The following CA10 variants were observed in gnomAD, a reference collection of about 807,000 sequenced individuals.
CA10 encodes the protein carbonic anhydrase-related protein 10.
CA10 carries 14 observed loss-of-function variants against 44.2 expected under a neutral mutation model. That is an observed-to-expected ratio of 0.32 (90% CI 0.21 to 0.50). The LOEUF (loss-of-function observed/expected upper bound fraction) is 0.50, where lower values mean the gene tolerates loss of function less well. CA10 is among the 20% of genes least tolerant of loss of function. The probability of loss-of-function intolerance (pLI) is 0.99; values close to 1 mark genes in which losing one functional copy is unlikely to be tolerated. For missense variants in CA10, 350 were observed against 409.7 expected (o/e 0.85, Z 1.26); for synonymous variants, 159 against 141.6 (o/e 1.12, Z -0.87).
intron 3 of CA10, among the ~76,000 whole-genome samples, chr17:51,918,924 A>G (rs530232721): frequency 3.0e-4 from 45 of 152,340 alleles, no homozygotes; most frequent in African/African-American, 1.0e-3. Context: ...TGCAACATTA[A>G]TAAAGTTGTA....
At chr17:51,875,436 C>T (rs1304306488) in intron 3 of CA10, among the ~76,000 whole-genome samples, 6 of 152,194 alleles carry the variant, frequency 3.9e-5, no homozygotes. Context: ...CACAATGGAA[C>T]GACAAATACT....
intron 1 of CA10, among the ~76,000 whole-genome samples, chr17:52,153,515 T>A (rs935036071): frequency 1.3e-5 from 2 of 152,130 alleles, no homozygotes; most frequent in Admixed American, 6.5e-5. Flanking sequence ...AAGCCTCAAC[T>A]CCATATTGGA....
At chr17:51,716,655 T>C (rs1916123970) in intron 4 of CA10, among the ~76,000 whole-genome samples, 1 of 152,024 alleles carries the variant, frequency 6.6e-6, no homozygotes, top group African/African-American at 2.4e-5. Flanking sequence ...GAACTTGGGG[T>C]TCATTAAGCT....
In CA10 at chr17:51,815,832, C is replaced by T. The variant is rs181627605; in HGVS notation, c.280-68014G>A. 2.5e-3 allele frequency among the ~76,000 whole-genome samples: 383 copies of T among 151,844 alleles called. 3 individuals carry two copies. The highest frequency in any genetic ancestry group is 8.7e-3 in the African/African-American group (359 of 41,402). On this transcript the variant is annotated intron_variant, in intron 3 of 8. Coordinates refer to ENST00000451037, the MANE Select transcript of CA10 (RefSeq NM_020178.5). Reference sequence around the variant, plus strand: ...AAATATATAAATATAATGGGATACACGAGATGTTTTGATACAGGCTTGCAA... The same window carrying T: ...AAATATATAAATATAATGGGATACATGAGATGTTTTGATACAGGCTTGCAA...
chr17:51,820,941 G>T (rs944091010), intron 3 of CA10, among the ~76,000 whole-genome samples: 23 of 152,006 alleles, frequency 1.5e-4, no homozygotes, highest in Admixed American at 1.4e-3. Flanking sequence ...CTTGAGGATT[G>T]TTACCCCAGG....
intron 3 of CA10, among the ~76,000 whole-genome samples, chr17:51,883,131 A>T (rs923564238): frequency 2.0e-5 from 3 of 152,242 alleles, no homozygotes; most frequent in Non-Finnish European, 4.4e-5. Context: ...ACTCCTTAGC[A>T]CTTTGGAGTA....
chr17:51,715,112 A>G (rs1284035639), intron 4 of CA10, among the ~76,000 whole-genome samples: 1 of 152,206 alleles, frequency 6.6e-6, no homozygotes, highest in East Asian at 1.9e-4. Flanking sequence ...AAACTATTGC[A>G]AGGACAAAAA....
chr17:51,747,951 G>A (rs900242921), intron 3 of CA10, 133 bp from the exon 4 acceptor site: 45 of 642,302 alleles, frequency 7.0e-5, no homozygotes, highest in Admixed American at 3.1e-5. Flanking sequence ...ATGTGGAGTA[G>A]GGCGTGGCAG....
chr17:51,670,326 C>G (rs1014866305), intron 4 of CA10, among the ~76,000 whole-genome samples: 2 of 152,176 alleles, frequency 1.3e-5, no homozygotes, highest in African/African-American at 4.8e-5. Context: ...GCAGGGATTA[C>G]TGTCCCCATT....
chr17:51,831,260 T>G (rs189771984), intron 3 of CA10, among the ~76,000 whole-genome samples: 2 of 152,370 alleles, frequency 1.3e-5, no homozygotes, highest in Admixed American at 1.3e-4. Flanking sequence ...TCTCTGGCCC[T>G]CATGGAGAGT....
intron 2 of CA10, among the ~76,000 whole-genome samples, chr17:51,960,417 C>T (rs887425797): frequency 1.3e-5 from 2 of 151,674 alleles, no homozygotes; most frequent in Admixed American, 1.3e-4. Context: ...AAACACCCCC[C>T]ACCACCAAAA....
chr17:51,748,319 C>T lies in CA10; in HGVS notation c.280-501G>A, dbSNP rs563329794. ...TTCTCAAGCGTCCTATCTGGTGTGT[C>T]CTGCCCTGCAACCAGACATTGCACA... On this transcript the variant is annotated intron_variant, in intron 3 of 8. Transcript: ENST00000451037. 8.5e-5 allele frequency: 17 copies of T among 200,976 alleles called. 1 individual carries two copies. The South Asian group carries it at 1.9e-3, about 22-fold the overall frequency. The allele number at this position is 200,976 out of a possible 1,614,324, so 12.4% of individuals were successfully genotyped here.
chr17:52,138,765 G>T (rs1989414049), intron 1 of CA10, among the ~76,000 whole-genome samples: 1 of 152,176 alleles, frequency 6.6e-6, no homozygotes, highest in South Asian at 2.1e-4. Flanking sequence ...ATATACCCTT[G>T]TAAGTACAAT....
At chr17:51,697,669 G>A (rs1915448249) in intron 4 of CA10, among the ~76,000 whole-genome samples, 1 of 152,188 alleles carries the variant, frequency 6.6e-6, no homozygotes, top group Non-Finnish European at 1.5e-5. Flanking sequence ...GGGTCTTCGT[G>A]TTTTACACTG....
intron 1 of CA10, among the ~76,000 whole-genome samples, chr17:52,156,773 A>C (rs1247930207): frequency 6.6e-6 from 1 of 152,220 alleles, no homozygotes; most frequent in Non-Finnish European, 1.5e-5. Context: ...GGAGCACTAC[A>C]AATGGGCTTT....
chr17:52,066,457 T>C (rs1987538647), intron 2 of CA10, among the ~76,000 whole-genome samples: 1 of 152,190 alleles, frequency 6.6e-6, no homozygotes, highest in Non-Finnish European at 1.5e-5. Flanking sequence ...GTGGAGATAA[T>C]TGAATCATGG....
chr17:51,717,328 C>T (rs1168291360), intron 4 of CA10, among the ~76,000 whole-genome samples: 2 of 151,922 alleles, frequency 1.3e-5, no homozygotes, highest in South Asian at 4.2e-4. Flanking sequence ...ACCTGGCTAG[C>T]CCAACATTGG....
At chr17:51,713,483 A>G (rs574184419) in intron 4 of CA10, among the ~76,000 whole-genome samples, 34 of 152,356 alleles carry the variant, frequency 2.2e-4, no homozygotes, top group Middle Eastern at 3.4e-3. Context: ...GCCTGAAAAA[A>G]TACAAATTTT....
chr17:51,762,268 C>T (rs1291879392), intron 3 of CA10: 1 of 152,262 alleles, frequency 6.6e-6, no homozygotes, highest in East Asian at 1.9e-4. Context: ...TGATTTTTGT[C>T]CATGGGTACT....
Sources: gnomAD v4.1 joint callset for allele counts (sites outside exome capture counted in the v4.1 genomes callset) on GRCh38, gnomAD v4.1.1 for gene constraint, MANE v1.5 for transcripts, NCBI Gene and HGNC (gene_info 2026-07-23, HGNC 2026-07-21) for gene names.